SORCS2: variants seen among roughly 807,000 people sequenced by gnomAD.
SORCS2 encodes VPS10 domain-containing receptor SorCS2.
Under a neutral mutation model 141.6 loss-of-function variants are expected in SORCS2, and 100 were observed. The observed-to-expected ratio is 0.71, with a 90% CI of 0.60 to 0.83. The LOEUF is 0.83. Among genes scored for constraint, SORCS2 ranks in the 40% least tolerant of loss-of-function variants. SORCS2 has a pLI of 0.00. For missense variants in SORCS2, 1,646 were observed against 1,560.2 expected (o/e 1.05, Z -0.93); for synonymous variants, 789 against 676.9 (o/e 1.17, Z -2.57).
intron 20 of SORCS2, 101 bp from the exon 21 acceptor site, chr4:7,726,679 G>C: frequency 6.8e-7 from 1 of 1,472,604 alleles, no homozygotes; most frequent in Non-Finnish European, 9.1e-7. Context: ...TGGGAACAAG[G>C]GGACAGCAAT....
chr4:7,387,811 C>A (rs1239165082), intron 1 of SORCS2, among the ~76,000 whole-genome samples: 2 of 150,072 alleles, frequency 1.3e-5, no homozygotes, highest in Non-Finnish European at 2.9e-5. Flanking sequence ...CATGCACACA[C>A]AGATACAGAG....
At chr4:7,582,930 C>T (rs1234958440) in intron 3 of SORCS2, among the ~76,000 whole-genome samples, 3 of 152,162 alleles carry the variant, frequency 2.0e-5, no homozygotes, top group Admixed American at 1.3e-4. Flanking sequence ...GGGTCAGATC[C>T]CCACCCACCG....
intron 1 of SORCS2, among the ~76,000 whole-genome samples, chr4:7,374,541 C>A (rs1037631389): frequency 6.6e-6 from 1 of 152,188 alleles, no homozygotes; most frequent in African/African-American, 2.4e-5. Context: ...AGTGGCTTGG[C>A]CTGCCCACTT....
intron 1 of SORCS2, among the ~76,000 whole-genome samples, chr4:7,378,211 G>A (rs1387520848): frequency 4.6e-5 from 7 of 152,170 alleles, no homozygotes; most frequent in Middle Eastern, 3.2e-3. Context: ...AACCTCGGGT[G>A]AGACTAACAT....
intron 3 of SORCS2, among the ~76,000 whole-genome samples, chr4:7,578,080 A>G (rs9291136): frequency 0.93 from 141,364 of 152,276 alleles, 66,370 homozygotes; most frequent in Non-Finnish European, 1. Flanking sequence ...GCTCATGAGG[A>G]TGGATCCCTC....
chr4:7,298,365 T>C (rs954443073), intron 1 of SORCS2, among the ~76,000 whole-genome samples: 1 of 152,138 alleles, frequency 6.6e-6, no homozygotes, highest in African/African-American at 2.4e-5. Context: ...TTGTCTTTCC[T>C]GGGGTCTTAG....
At chr4:7,552,643 G>A (rs780961350) in intron 3 of SORCS2, among the ~76,000 whole-genome samples, 9 of 152,352 alleles carry the variant, frequency 5.9e-5, no homozygotes, top group African/African-American at 1.2e-4. Context: ...ATCAGGAACA[G>A]TGCTTCAACC....
chr4:7,335,688 G>A (rs1490093963), intron 1 of SORCS2, among the ~76,000 whole-genome samples: 1 of 152,236 alleles, frequency 6.6e-6, no homozygotes, highest in Non-Finnish European at 1.5e-5. Flanking sequence ...CTCACCCACT[G>A]CTCTCAAGAA....
intron 1 of SORCS2, among the ~76,000 whole-genome samples, chr4:7,242,153 C>T (rs1056099864): frequency 1.3e-5 from 2 of 152,160 alleles, no homozygotes; most frequent in Admixed American, 6.5e-5. Flanking sequence ...AAAGCGGCTG[C>T]GTGAGAGTCA....
At chr4:7,624,986 G>A (rs955174602) in intron 3 of SORCS2, among the ~76,000 whole-genome samples, 1 of 152,140 alleles carries the variant, frequency 6.6e-6, no homozygotes, top group African/African-American at 2.4e-5. Context: ...ACAAAATATC[G>A]ATGATGAGTT....
At chr4:7,302,766 C>CAT (rs1553833345) in intron 1 of SORCS2, among the ~76,000 whole-genome samples, 2 of 51,944 alleles carry the variant, frequency 3.9e-5, no homozygotes, top group Middle Eastern at 0.011. Context: ...AGACAGTCCA[C>CAT]ATATGTGTGT....
intron 3 of SORCS2, among the ~76,000 whole-genome samples, chr4:7,617,931 G>T (rs1718876999): frequency 6.6e-6 from 1 of 151,998 alleles, no homozygotes; most frequent in Non-Finnish European, 1.5e-5. Flanking sequence ...TTCGCAGTCA[G>T]GAGTGGGATG....
chr4:7,727,018 G>C (rs1727266773), intron 21 of SORCS2, 115 bp downstream of exon 21: 1 of 1,316,190 alleles, frequency 7.6e-7, no homozygotes, highest in African/African-American at 1.5e-5. Context: ...GAGTGGCCCT[G>C]GGGTGGGGAG....
chr4:7,557,120 G>A (rs1327299149), intron 3 of SORCS2, among the ~76,000 whole-genome samples: 1 of 152,092 alleles, frequency 6.6e-6, no homozygotes, highest in Non-Finnish European at 1.5e-5. Flanking sequence ...ACACAAGGAG[G>A]GCAGTTGTTG....
intron 14 of SORCS2, among the ~76,000 whole-genome samples, chr4:7,707,733 G>A (rs575697250): frequency 4.7e-4 from 72 of 152,350 alleles, no homozygotes; most frequent in Admixed American, 9.1e-4. Context: ...TGGAAGAGGC[G>A]CTTGATGCTC....
intron 1 of SORCS2, among the ~76,000 whole-genome samples, chr4:7,387,598 GAA>G (rs1723483707): frequency 7.3e-6 from 1 of 137,628 alleles, no homozygotes; most frequent in African/African-American, 2.8e-5. Flanking sequence ...GGTACACAGA[GAA>G]ACGCACATGC....
At chr4:7,395,139 A>G (rs1039784519) in intron 1 of SORCS2, among the ~76,000 whole-genome samples, 1 of 152,212 alleles carries the variant, frequency 6.6e-6, no homozygotes, top group Non-Finnish European at 1.5e-5. Context: ...GCCGCCTGTA[A>G]GATGCACACT....
chr4:7,427,031 G>C (rs778214752), intron 2 of SORCS2, among the ~76,000 whole-genome samples: 8 of 152,186 alleles, frequency 5.3e-5, no homozygotes, highest in Non-Finnish European at 8.8e-5. Context: ...GGGGCACAGG[G>C]AAAGAGCGGT....
intron 4 of SORCS2, among the ~76,000 whole-genome samples, chr4:7,651,894 T>C (rs546937898): frequency 3.1e-4 from 47 of 152,204 alleles, no homozygotes; most frequent in Non-Finnish European, 5.9e-4. Context: ...TCTTAGGCCA[T>C]GGAAACATTC....
Sources: gnomAD v4.1 joint callset for allele counts (sites outside exome capture counted in the v4.1 genomes callset) on GRCh38, gnomAD v4.1.1 for gene constraint, MANE v1.5 for transcripts, NCBI Gene and HGNC (gene_info 2026-07-23, HGNC 2026-07-21) for gene names.